Variants in ENOX1 observed in about 807,000 individuals in gnomAD.
ENOX1 encodes the protein candidate growth-related and time keeping constitutive hydroquinone (NADH) oxidase.
In ENOX1, 42 loss-of-function variants were observed where a neutral mutation model predicts 82.5. The ratio of observed to expected loss-of-function variants is 0.51; its 90% CI spans 0.40 to 0.66. The LOEUF (loss-of-function observed/expected upper bound fraction) is 0.66. ENOX1 is among the 30% of genes least tolerant of loss of function. ENOX1 has a pLI of 0.00. For missense variants in ENOX1, 608 were observed against 811.6 expected, an observed-to-expected ratio of 0.75 and a Z score of 3.05; for synonymous variants, 271 against 282.2, an observed-to-expected ratio of 0.96 and a Z score of 0.40.
intron 2 of ENOX1, among the ~76,000 whole-genome samples, chr13:43,604,221 C>T (rs7997275): frequency 0.97 from 146,336 of 150,726 alleles, 71,201 homozygotes; most frequent in East Asian, 1. Flanking sequence ...CTTTGCCCAC[C>T]TTTTGATGGG....
intron 3 of ENOX1, among the ~76,000 whole-genome samples, chr13:43,461,975 C>T (rs2057506715): frequency 6.6e-6 from 1 of 152,172 alleles, no homozygotes; most frequent in Non-Finnish European, 1.5e-5. Context: ...AAAGCTTGGT[C>T]TGTAATGTGG....
intron 3 of ENOX1, among the ~76,000 whole-genome samples, chr13:43,430,511 G>A (rs1255163755): frequency 6.6e-6 from 1 of 151,726 alleles, no homozygotes; most frequent in Non-Finnish European, 1.5e-5. Context: ...TCTTGATATG[G>A]GTGTTTTAAA....
At chr13:43,318,687 C>T (rs1367041571) in intron 11 of ENOX1, among the ~76,000 whole-genome samples, 1 of 152,174 alleles carries the variant, frequency 6.6e-6, no homozygotes, top group Non-Finnish European at 1.5e-5. Context: ...GAATTGAAGT[C>T]CACAGACTTT....
intron 5 of ENOX1, among the ~76,000 whole-genome samples, chr13:43,398,670 C>T (rs180910869): frequency 6.6e-6 from 1 of 152,074 alleles, no homozygotes; most frequent in Non-Finnish European, 1.5e-5. Context: ...ACCCCTGAGA[C>T]AGCAAGATCA....
chr13:43,622,409 T>C (rs1463680247), intron 2 of ENOX1, among the ~76,000 whole-genome samples: 2 of 152,212 alleles, frequency 1.3e-5, no homozygotes, highest in Non-Finnish European at 2.9e-5. Flanking sequence ...CTGAAGGCCA[T>C]TGTTCAGATT....
chr13:43,509,730 T>C (rs773719294), intron 2 of ENOX1, among the ~76,000 whole-genome samples: 1 of 152,072 alleles, frequency 6.6e-6, no homozygotes, highest in African/African-American at 2.4e-5. Context: ...TTAAACCAAA[T>C]GAAGAGGTTT....
At chr13:43,314,617 G>A (rs1160590795) in intron 11 of ENOX1, among the ~76,000 whole-genome samples, 1 of 152,214 alleles carries the variant, frequency 6.6e-6, no homozygotes, top group Non-Finnish European at 1.5e-5. Context: ...TGTGCTAAGA[G>A]GCTGGTAACA....
At chr13:43,373,635 A>G (rs2051400917) in intron 5 of ENOX1, among the ~76,000 whole-genome samples, 1 of 152,172 alleles carries the variant, frequency 6.6e-6, no homozygotes, top group Non-Finnish European at 1.5e-5. Flanking sequence ...TTTTTAATAA[A>G]TTAAAACTGA....
At chr13:43,370,273 A>C (rs1305403675) in intron 5 of ENOX1, among the ~76,000 whole-genome samples, 1 of 152,114 alleles carries the variant, frequency 6.6e-6, no homozygotes, top group African/African-American at 2.4e-5. Flanking sequence ...AGGCTGAGGC[A>C]GGAGAATGGC....
chr13:43,720,693 C>A (rs1404191938), intron 1 of ENOX1, among the ~76,000 whole-genome samples: 1 of 152,144 alleles, frequency 6.6e-6, no homozygotes, highest in Non-Finnish European at 1.5e-5. Context: ...AGCATGGGCA[C>A]GAGCAGAGGG....
At chr13:43,658,826 T>C (rs999723699) in intron 2 of ENOX1, among the ~76,000 whole-genome samples, 1 of 152,210 alleles carries the variant, frequency 6.6e-6, no homozygotes, top group Non-Finnish European at 1.5e-5. Context: ...CAGGTCTTTC[T>C]TTTTATTAGT....
chr13:43,718,122 G>T (rs1472355905), intron 1 of ENOX1, among the ~76,000 whole-genome samples: 1 of 152,188 alleles, frequency 6.6e-6, no homozygotes, highest in African/African-American at 2.4e-5. Flanking sequence ...CAGAGATGTG[G>T]ACTCAATTTA....
intron 1 of ENOX1, among the ~76,000 whole-genome samples, chr13:43,749,672 G>A (rs1159607519): frequency 6.6e-6 from 1 of 152,182 alleles, no homozygotes; most frequent in African/African-American, 2.4e-5. Context: ...TATGACTGAT[G>A]TTATTTTCTG....
Position 43,777,544 on chromosome 13 carries a change from CT to C in ENOX1, c.-285+9107del, listed in dbSNP as rs34345866. On this transcript the variant is annotated intron_variant, in intron 1 of 16. Coordinates refer to ENST00000690772, the MANE Select transcript of ENOX1 (RefSeq NM_001347969.2). ...ATCACAGGATCTCTCTGTATTATTTCTTTTTTTTTTTTTTCTGAGACGGAGT... is the reference window on the plus strand; with the variant it reads ...ATCACAGGATCTCTCTGTATTATTTCTTTTTTTTTTTTTCTGAGACGGAGT... Among the ~76,000 whole-genome samples the C allele has an allele frequency of 9.2e-3, 1,308 of 142,286 alleles. 16 individuals carry two copies. Among genetic ancestry groups the C allele is most frequent in the African/African-American group, 0.028 (1,076 of 38,406 alleles). 93.3% of individuals were successfully genotyped at this position (142,286 alleles called of 152,430 possible). A position where few individuals can be genotyped will look rare whatever the true frequency, so the allele number is the denominator to read the frequency against.
intron 2 of ENOX1, among the ~76,000 whole-genome samples, chr13:43,561,002 CTCTTT>C (rs1342323266): frequency 3.9e-5 from 6 of 152,112 alleles, no homozygotes; most frequent in Admixed American, 3.3e-4. Context: ...AATTTCTGTT[CTCTTT>C]TATTTGTTCC....
chr13:43,751,498 A>G (rs1950316657), intron 1 of ENOX1, among the ~76,000 whole-genome samples: 2 of 152,232 alleles, frequency 1.3e-5, no homozygotes, highest in East Asian at 1.9e-4. Context: ...CACTATTTCT[A>G]AAACTTTTCC....
intron 2 of ENOX1, among the ~76,000 whole-genome samples, chr13:43,606,904 G>C (rs2081998412): frequency 6.6e-6 from 1 of 152,058 alleles, no homozygotes; most frequent in African/African-American, 2.4e-5. Context: ...TGTAGTCCCA[G>C]CTACTTAGGG....
At chr13:43,506,996 C>T (rs1171887481) in intron 2 of ENOX1, among the ~76,000 whole-genome samples, 4 of 150,174 alleles carry the variant, frequency 2.7e-5, no homozygotes, top group South Asian at 2.1e-4. Flanking sequence ...TAAAAAAAAA[C>T]CCTTGAGGGA....
chr13:43,336,093 C>T (rs1001619064), intron 9 of ENOX1, among the ~76,000 whole-genome samples: 2 of 152,184 alleles, frequency 1.3e-5, no homozygotes, highest in African/African-American at 4.8e-5. Flanking sequence ...GCAATGACTG[C>T]TACAGACATG....
Sources: gnomAD v4.1 joint callset for allele counts (sites outside exome capture counted in the v4.1 genomes callset) on GRCh38, gnomAD v4.1.1 for gene constraint, MANE v1.5 for transcripts, NCBI Gene and HGNC (gene_info 2026-07-23, HGNC 2026-07-21) for gene names.